Variants in KAZN observed in about 807,000 individuals in gnomAD.
The protein encoded by KAZN is kazrin.
A neutral mutation model predicts 87.4 loss-of-function variants in KAZN; 40 were observed. That is an observed-to-expected ratio of 0.46 (90% CI 0.36 to 0.60). KAZN has a LOEUF of 0.60. Among genes scored for constraint, KAZN ranks in the 20% least tolerant of loss-of-function variants. KAZN has a pLI of 0.00. For synonymous variants in KAZN, 466 were observed against 458.3 expected (o/e 1.02, Z -0.22); for missense variants, 898 against 1,073.9 (o/e 0.84, Z 2.29).
chr1:15,039,232 C>G (rs1173933075), intron 3 of KAZN, among the ~76,000 whole-genome samples: 1 of 152,104 alleles, frequency 6.6e-6, no homozygotes, highest in Non-Finnish European at 1.5e-5. Flanking sequence ...CCCATTCCCC[C>G]CATTTAACAG....
intron 1 of KAZN, among the ~76,000 whole-genome samples, chr1:14,867,452 G>T (rs541842261): frequency 6.6e-6 from 1 of 152,136 alleles, no homozygotes; most frequent in Non-Finnish European, 1.5e-5. Flanking sequence ...GTTACCGTTG[G>T]GTTCAGGGAT....
At chr1:14,837,109 A>C (rs1209958372) in intron 1 of KAZN, among the ~76,000 whole-genome samples, 1 of 152,126 alleles carries the variant, frequency 6.6e-6, no homozygotes, top group South Asian at 2.1e-4. Context: ...TTAATTTTTT[A>C]AAAAATTTTT....
At chr1:14,790,088 C>T (rs182225547) in intron 1 of KAZN, among the ~76,000 whole-genome samples, 14 of 152,068 alleles carry the variant, frequency 9.2e-5, no homozygotes, top group Admixed American at 7.2e-4. Flanking sequence ...CCGCAACCTC[C>T]GCCTCCCAGG....
intron 1 of KAZN, among the ~76,000 whole-genome samples, chr1:14,945,557 C>T (rs945398281): frequency 1.8e-4 from 27 of 152,342 alleles, no homozygotes; most frequent in African/African-American, 6.3e-4. Context: ...CCCCCCACCC[C>T]GGCTGGCTCC....
intron 1 of KAZN, among the ~76,000 whole-genome samples, chr1:14,784,750 C>A: frequency 6.6e-6 from 1 of 152,028 alleles, no homozygotes; most frequent in East Asian, 1.9e-4. Context: ...CAGAGCAAGA[C>A]TTTGTCTCAA....
chr1:14,138,133 C>T (rs1170193316), intron 1 of KAZN, among the ~76,000 whole-genome samples: 22 of 149,866 alleles, frequency 1.5e-4, no homozygotes, highest in Non-Finnish European at 3.0e-4. Flanking sequence ...TGTTAAAATG[C>T]GTTCAGTTGC....
At chr1:14,992,698 C>T (rs1353210246) in intron 2 of KAZN, among the ~76,000 whole-genome samples, 1 of 152,154 alleles carries the variant, frequency 6.6e-6, no homozygotes, top group African/African-American at 2.4e-5. Flanking sequence ...GGCTGGAGTG[C>T]AGCAGCGCAA....
intron 1 of KAZN, among the ~76,000 whole-genome samples, chr1:14,024,826 C>T (rs1640999122): frequency 6.6e-6 from 1 of 152,230 alleles, no homozygotes; most frequent in Non-Finnish European, 1.5e-5. Flanking sequence ...TTGAAAGGCA[C>T]TGACGCTTAG....
At chr1:14,459,991 T>C (rs1324300820) in intron 2 of KAZN, among the ~76,000 whole-genome samples, 1 of 152,178 alleles carries the variant, frequency 6.6e-6, no homozygotes, top group Non-Finnish European at 1.5e-5. Flanking sequence ...AGGCAGGTGA[T>C]ACCGTCAGAG....
chr1:14,011,566 C>G (rs1446069352), intron 1 of KAZN, among the ~76,000 whole-genome samples: 1 of 152,096 alleles, frequency 6.6e-6, no homozygotes, highest in African/African-American at 2.4e-5. Flanking sequence ...TGGGCAGCCT[C>G]TTGGTTGGAA....
At chr1:14,365,573 C>T (rs1400956587) in intron 2 of KAZN, among the ~76,000 whole-genome samples, 3 of 152,266 alleles carry the variant, frequency 2.0e-5, no homozygotes, top group South Asian at 2.1e-4. Flanking sequence ...TTTGCAACCT[C>T]GGCACTACTG....
intron 1 of KAZN, among the ~76,000 whole-genome samples, chr1:14,694,922 G>A (rs1055030944): frequency 6.6e-6 from 1 of 152,114 alleles, no homozygotes. Flanking sequence ...CATATTACAG[G>A]GGAAATTTGC....
intron 8 of KAZN, among the ~76,000 whole-genome samples, chr1:15,086,618 C>T (rs544267468): frequency 1.3e-5 from 2 of 152,250 alleles, no homozygotes; most frequent in South Asian, 2.1e-4. Context: ...ACATGTAAGT[C>T]AATTATTTTA....
chr1:14,051,711 G>T (rs1642336865), intron 1 of KAZN, among the ~76,000 whole-genome samples: 1 of 152,092 alleles, frequency 6.6e-6, no homozygotes, highest in South Asian at 2.1e-4. Flanking sequence ...GTGGTGGCAT[G>T]CACATGTAGT....
chr1:14,367,340 C>T (rs983858530), intron 2 of KAZN, among the ~76,000 whole-genome samples: 1 of 152,146 alleles, frequency 6.6e-6, no homozygotes, highest in Non-Finnish European at 1.5e-5. Flanking sequence ...TCTCTGAGGT[C>T]GCACTGTCAA....
chr1:14,017,365 T>A (rs2101227862), intron 1 of KAZN, among the ~76,000 whole-genome samples: 1 of 152,338 alleles, frequency 6.6e-6, no homozygotes, highest in Middle Eastern at 3.4e-3. Context: ...GTACAGTGCT[T>A]GCAATTTCAG....
intron 2 of KAZN, among the ~76,000 whole-genome samples, chr1:15,027,360 G>A (rs1671280957): frequency 6.6e-6 from 1 of 151,288 alleles, no homozygotes; most frequent in Non-Finnish European, 1.5e-5. Context: ...GATGACAGGC[G>A]TGAGCCACCG....
chr1:14,334,950 G>A (rs1285360148), intron 2 of KAZN, among the ~76,000 whole-genome samples: 2 of 152,150 alleles, frequency 1.3e-5, no homozygotes, highest in Non-Finnish European at 2.9e-5. Context: ...CAGAGACAGA[G>A]AGTGAGAGAG....
At position 15,099,561 on chromosome 1, in the gene KAZN, C is replaced by T. The variant is rs1414423008; in HGVS notation, c.1548-1982C>T. Among the ~76,000 whole-genome samples the T allele has an allele frequency of 6.6e-6, 1 of 152,038 alleles. No homozygotes were observed. Among genetic ancestry groups the T allele is most frequent in the Non-Finnish European group, 1.5e-5 (1 of 68,000 alleles). On this transcript the variant is annotated intron_variant, in intron 10 of 14. Transcript: ENST00000376030. The surrounding 1 kb of genome is among the most constrained non-coding windows in gnomAD (Gnocchi z 5.4). ...GGGGAGGGGAATGGGGGGTGAAGAG[C>T]TCAGTGCCTCCAGGAAACGGCCCCC...
Sources: gnomAD v4.1 joint callset for allele counts (sites outside exome capture counted in the v4.1 genomes callset) on GRCh38, gnomAD v4.1.1 for gene constraint, Gnocchi (gnomAD v3.1) non-coding constraint, MANE v1.5 for transcripts, NCBI Gene and HGNC (gene_info 2026-07-23, HGNC 2026-07-21) for gene names.